PCDHGA2: variants seen among roughly 807,000 people sequenced by gnomAD.
PCDHGA2 encodes protocadherin gamma subfamily A, 2.
PCDHGA2 carries 40 observed loss-of-function variants against 59.2 expected under a neutral mutation model. The ratio of observed to expected loss-of-function variants is 0.68; its 90% CI spans 0.52 to 0.88. PCDHGA2 has a LOEUF of 0.88. Ranked by LOEUF, PCDHGA2 falls within the 40% of genes least tolerant of loss-of-function variation. PCDHGA2 has a pLI of 0.00. For synonymous variants in PCDHGA2, 560 were observed against 526.0 expected (o/e 1.06, Z -0.89); for missense variants, 1,226 against 1,204.0 (o/e 1.02, Z -0.27).
intron 1 of PCDHGA2, chr5:141,478,871 T>C: frequency 2.4e-6 from 3 of 1,274,796 alleles, no homozygotes; most frequent in Non-Finnish European, 3.1e-6. Flanking sequence ...GCGATCAGAG[T>C]TTAGCTTGGT....
intron 1 of PCDHGA2, chr5:141,393,809 A>G (rs566306926): frequency 1.9e-6 from 3 of 1,613,982 alleles, no homozygotes; most frequent in African/African-American, 1.3e-5. Context: ...GGAGGACCAA[A>G]TTGCTCATTT....
intron 1 of PCDHGA2, among the ~76,000 whole-genome samples, chr5:141,471,928 G>A (rs1328213264): frequency 6.6e-6 from 1 of 152,152 alleles, no homozygotes; most frequent in African/African-American, 2.4e-5. Context: ...TTTTGGGGGT[G>A]ATGAGAGTTT....
At chr5:141,508,538 G>C (rs1383873129) in intron 3 of PCDHGA2, among the ~76,000 whole-genome samples, 1 of 152,120 alleles carries the variant, frequency 6.6e-6, no homozygotes, top group African/African-American at 2.4e-5. Flanking sequence ...CACCCCCCAC[G>C]AGGTGGGCGG....
At position 141,403,340 on chromosome 5, in the gene PCDHGA2, G is replaced by GC. The variant is rs1435471755; in HGVS notation, c.2424+61949dup. The GC allele has an allele frequency of 5.6e-6, 9 of 1,613,982 alleles. No homozygotes were observed. In the South Asian group the frequency reaches 9.9e-5, roughly 18 times the overall value. ...AGAAGTAACTGATATTAACGACAGCGCCCCAAAGTTCCAGGCCGAAAGTCT... is the reference window on the plus strand; with the variant it reads ...AGAAGTAACTGATATTAACGACAGCGCCCCCAAAGTTCCAGGCCGAAAGTCT... On this transcript the variant is annotated intron_variant, in intron 1 of 3. Transcript: ENST00000394576.
chr5:141,433,987 T>C (rs1332689630), intron 1 of PCDHGA2, among the ~76,000 whole-genome samples: 1 of 152,252 alleles, frequency 6.6e-6, no homozygotes, highest in Non-Finnish European at 1.5e-5. Context: ...GAAGAAGAGT[T>C]TTATATTCTC....
intron 1 of PCDHGA2, chr5:141,384,161 C>T (rs1476096646): frequency 1.2e-6 from 2 of 1,613,520 alleles, no homozygotes; most frequent in Non-Finnish European, 1.7e-6. Flanking sequence ...TATAACATCA[C>T]ACTGAAAGCC....
At chr5:141,344,963 G>A in intron 1 of PCDHGA2, 1 of 1,613,706 alleles carries the variant, frequency 6.2e-7, no homozygotes, top group Non-Finnish European at 8.5e-7. Flanking sequence ...TAGATTATGA[G>A]GATGCCATGT....
chr5:141,465,273 G>A (rs949271610), intron 1 of PCDHGA2, among the ~76,000 whole-genome samples: 1 of 152,068 alleles, frequency 6.6e-6, no homozygotes, highest in Non-Finnish European at 1.5e-5. Context: ...TAGCCATTTA[G>A]TTCACCCCTA....
intron 1 of PCDHGA2, chr5:141,346,009 C>G: frequency 6.2e-7 from 1 of 1,613,514 alleles, no homozygotes; most frequent in Non-Finnish European, 8.5e-7. Context: ...GCCACTGTCA[C>G]GCTCACCGTG....
In PCDHGA2 at chr5:141,433,198, A is replaced by G. The variant is rs373769649; in HGVS notation, c.2425-61609A>G. 11 of 1,581,706 alleles carry G rather than the reference A, an allele frequency of 7.0e-6. No individual in the cohort carries two copies. The African/African-American group carries it at 1.1e-4, about 16-fold the overall frequency. On this transcript the variant is annotated intron_variant, in intron 1 of 3. Coordinates refer to ENST00000394576, the MANE Select transcript of PCDHGA2 (RefSeq NM_018915.4). ...GGTTAATTGAGGTGAGTTTATATCA[A>G]ATCTTCTTTCTTTTTTTTTTTTAAT...
Position 141,489,629 on chromosome 5 carries a change from C to T in PCDHGA2, c.2425-5178C>T. Reference sequence around the variant, plus strand: ...GAGATCCTGGATCTCAATGACAACTCTCCTAGCTTTGCCACCCCTGAGCGA... The same window carrying T: ...GAGATCCTGGATCTCAATGACAACTTTCCTAGCTTTGCCACCCCTGAGCGA... On this transcript the variant is annotated intron_variant, in intron 1 of 3. Transcript: ENST00000394576. This position sits in a 1 kb window ranked among gnomAD's most constrained non-coding sequence, Gnocchi z 4.5. 6.2e-7 allele frequency: 1 copy of T among 1,614,142 alleles called. No homozygotes were observed. The highest frequency in any genetic ancestry group is 1.7e-5 in the Admixed American group (1 of 60,032).
At chr5:141,501,583 T>C (rs1270487304) in intron 2 of PCDHGA2, among the ~76,000 whole-genome samples, 1 of 152,054 alleles carries the variant, frequency 6.6e-6, no homozygotes, top group Non-Finnish European at 1.5e-5. Context: ...GGCTTTCAGG[T>C]TGCAACTCTA....
rs2099749948 is a variant in PCDHGA2 at position 141,493,762 on chromosome 5, C to T, written c.2425-1045C>T. Among the ~76,000 whole-genome samples the T allele has an allele frequency of 1.3e-5, 2 of 152,130 alleles. No homozygotes were observed. Among genetic ancestry groups the T allele is most frequent in the South Asian group, 4.1e-4 (2 of 4,830 alleles). Reference sequence around the variant, plus strand: ...TGCCACCTGTGAGCCTTGAGTGAGCCACTGGCAGTTCCGGAGCTTCCTTCT... The same window carrying T: ...TGCCACCTGTGAGCCTTGAGTGAGCTACTGGCAGTTCCGGAGCTTCCTTCT... On this transcript the variant is annotated intron_variant, in intron 1 of 3. Transcript: ENST00000394576. The surrounding 1 kb of genome is among the most constrained non-coding windows in gnomAD (Gnocchi z 4.3).
intron 1 of PCDHGA2, chr5:141,374,486 A>C: frequency 6.2e-7 from 1 of 1,611,570 alleles, no homozygotes; most frequent in Non-Finnish European, 8.5e-7. Context: ...CCGATTCTTA[A>C]AGGAAGAATT....
intron 1 of PCDHGA2, chr5:141,393,401 G>C: frequency 6.2e-7 from 1 of 1,614,036 alleles, no homozygotes; most frequent in South Asian, 1.1e-5. Context: ...AGCTGGTGCT[G>C]GAGCGCGCCC....
intron 1 of PCDHGA2, among the ~76,000 whole-genome samples, chr5:141,347,355 A>G (rs1475319238): frequency 1.3e-5 from 2 of 151,746 alleles, no homozygotes; most frequent in East Asian, 1.9e-4. Context: ...GGCAATTGCT[A>G]TGTTTCCCAG....
intron 1 of PCDHGA2, chr5:141,344,903 G>GTTA (rs759512018): frequency 6.2e-7 from 1 of 1,613,758 alleles, no homozygotes; most frequent in Non-Finnish European, 8.5e-7. Flanking sequence ...AAATCGCTGA[G>GTTA]ATTTTCCATC....
intron 2 of PCDHGA2, among the ~76,000 whole-genome samples, chr5:141,495,662 C>G (rs545912968): frequency 6.6e-6 from 1 of 152,138 alleles, no homozygotes; most frequent in Admixed American, 6.6e-5. Flanking sequence ...TGATCTGTGC[C>G]GCCCACTGTG....
intron 1 of PCDHGA2, chr5:141,371,020 A>T: frequency 6.2e-7 from 1 of 1,613,970 alleles, no homozygotes; most frequent in Non-Finnish European, 8.5e-7. Context: ...CCACATCACC[A>T]CCTGGTCCTC....
Sources: gnomAD v4.1 joint callset for allele counts (sites outside exome capture counted in the v4.1 genomes callset) on GRCh38, gnomAD v4.1.1 for gene constraint, Gnocchi (gnomAD v3.1) non-coding constraint, MANE v1.5 for transcripts, NCBI Gene and HGNC (gene_info 2026-07-23, HGNC 2026-07-21) for gene names.